Variants in PTPRM observed in about 807,000 individuals in gnomAD.
PTPRM encodes receptor-type tyrosine-protein phosphatase mu.
A neutral mutation model predicts 186.7 loss-of-function variants in PTPRM; 47 were observed. That is an observed-to-expected ratio of 0.25 (90% CI 0.20 to 0.32). PTPRM has a LOEUF of 0.32. Ranked by LOEUF, PTPRM falls within the 10% of genes least tolerant of loss-of-function variation. The pLI is 1.00. For missense variants in PTPRM, 1,494 were observed against 1,865.0 expected (o/e 0.80, Z 3.66); for synonymous variants, 668 against 674.9 (o/e 0.99, Z 0.16).
intron 7 of PTPRM, among the ~76,000 whole-genome samples, chr18:8,050,516 C>T (rs1489976218): frequency 1.3e-5 from 2 of 151,568 alleles, no homozygotes; most frequent in Non-Finnish European, 2.9e-5. Context: ...TCCATACACT[C>T]ATACACTCCT....
At chr18:8,362,700 C>G (rs1397252368) in intron 23 of PTPRM, among the ~76,000 whole-genome samples, 1 of 152,196 alleles carries the variant, frequency 6.6e-6, no homozygotes, top group Non-Finnish European at 1.5e-5. Context: ...GCATACCTTT[C>G]TTTGGAATTA....
rs184157205 is a variant in PTPRM, at chr18:7,998,110, A to G, written c.1132+42696A>G. Reference sequence around the variant, plus strand: ...CATATTTATTGCAGTTCTATTTACAATAGTGAAGATACGGAGTCAACCCAG... The same window carrying G: ...CATATTTATTGCAGTTCTATTTACAGTAGTGAAGATACGGAGTCAACCCAG... On this transcript the variant is annotated intron_variant, in intron 7 of 32. Coordinates refer to ENST00000580170, the MANE Select transcript of PTPRM (RefSeq NM_001105244.2). Among the ~76,000 whole-genome samples the G allele has an allele frequency of 7.5e-4, 115 of 152,350 alleles. No homozygotes were observed. The South Asian group carries it at 0.016, about 21-fold the overall frequency.
chr18:8,260,835 C>T lies in PTPRM; in HGVS notation c.2754+7421C>T, dbSNP rs572226180. On this transcript the variant is annotated intron_variant, in intron 19 of 32. Transcript: ENST00000580170. ...TTGAGACCAGCCCAGCAGCAGGGCG[C>T]GGGAGGAAGGCGCCCCGGGCATCTG... Among the ~76,000 whole-genome samples, 889 of 152,302 alleles carry T rather than the reference C, an allele frequency of 5.8e-3. 10 individuals carry two copies. Among genetic ancestry groups the T allele is most frequent in the African/African-American group, 0.02 (836 of 41,566 alleles).
At chr18:7,612,850 T>C (rs146996334) in intron 1 of PTPRM, among the ~76,000 whole-genome samples, 21 of 152,184 alleles carry the variant, frequency 1.4e-4, no homozygotes, top group African/African-American at 4.3e-4. Flanking sequence ...ATGTAACTAA[T>C]TGGGCTTACA....
intron 2 of PTPRM, among the ~76,000 whole-genome samples, chr18:7,851,525 TA>T (rs1280108526): frequency 1.3e-5 from 2 of 152,052 alleles, no homozygotes; most frequent in African/African-American, 4.8e-5. Context: ...TAATGGAAGC[TA>T]CAAGACAGTG....
intron 22 of PTPRM, among the ~76,000 whole-genome samples, chr18:8,319,987 A>G (rs372086927): frequency 6.6e-5 from 10 of 152,210 alleles, no homozygotes; most frequent in African/African-American, 2.4e-4. Context: ...GTCATGAGGG[A>G]GCGAGGTTTT....
intron 2 of PTPRM, among the ~76,000 whole-genome samples, chr18:7,819,449 A>G (rs779495167): frequency 1.3e-5 from 2 of 152,240 alleles, no homozygotes; most frequent in South Asian, 4.1e-4. Context: ...GTCATCAACC[A>G]GTGGAATGAC....
chr18:8,217,440 A>G (rs2094103213), intron 14 of PTPRM, among the ~76,000 whole-genome samples: 1 of 152,206 alleles, frequency 6.6e-6, no homozygotes, highest in Non-Finnish European at 1.5e-5. Context: ...TTCTAAAGAC[A>G]TCAAATTCCT....
intron 7 of PTPRM, among the ~76,000 whole-genome samples, chr18:8,053,010 T>G (rs1325765966): frequency 6.6e-6 from 1 of 152,200 alleles, no homozygotes; most frequent in Non-Finnish European, 1.5e-5. Flanking sequence ...CCAACTTTTC[T>G]TTTGAGTTGT....
chr18:8,385,914 G>C (rs1016437885), intron 30 of PTPRM, among the ~76,000 whole-genome samples: 5 of 152,118 alleles, frequency 3.3e-5, no homozygotes, highest in African/African-American at 1.2e-4. Context: ...ACGGGAGAGA[G>C]CAGGAGTGGA....
chr18:8,149,722 C>G (rs73389732), intron 14 of PTPRM, among the ~76,000 whole-genome samples: 13,152 of 152,046 alleles, frequency 0.087, 1,565 homozygotes, highest in African/African-American at 0.27. Context: ...CCCGTTAGTT[C>G]ATATAATTTC....
chr18:7,864,191 T>C (rs2047547244), intron 2 of PTPRM, among the ~76,000 whole-genome samples: 1 of 152,256 alleles, frequency 6.6e-6, no homozygotes, highest in Non-Finnish European at 1.5e-5. Flanking sequence ...GCAGAAGCTC[T>C]TTAGTTTAAT....
intron 2 of PTPRM, among the ~76,000 whole-genome samples, chr18:7,834,491 TACACACACACAC>T (rs36162599): frequency 1.2e-5 from 1 of 84,606 alleles, no homozygotes; most frequent in African/African-American, 4.8e-5. Context: ...TATACAAGTA[TACACACACACAC>T]ACACACACAC....
chr18:7,776,320 T>A (rs1294941986), intron 2 of PTPRM, among the ~76,000 whole-genome samples: 1 of 152,126 alleles, frequency 6.6e-6, no homozygotes, highest in South Asian at 2.1e-4. Context: ...TTGCAACTCA[T>A]TGTTTGGACC....
intron 1 of PTPRM, among the ~76,000 whole-genome samples, chr18:7,582,496 A>G (rs574931376): frequency 5.8e-4 from 89 of 152,182 alleles, no homozygotes; most frequent in Non-Finnish European, 9.4e-4. Context: ...GCCAGCCTAG[A>G]ATCAAGGGTG....
At chr18:7,989,299 G>T (rs1373285958) in intron 7 of PTPRM, among the ~76,000 whole-genome samples, 2 of 152,016 alleles carry the variant, frequency 1.3e-5, no homozygotes, top group African/African-American at 2.4e-5. Flanking sequence ...TATATCAGAG[G>T]CTTGCAGGTT....
intron 19 of PTPRM, among the ~76,000 whole-genome samples, chr18:8,289,541 T>TATAC (rs1197982059): frequency 3.7e-5 from 3 of 81,230 alleles, no homozygotes; most frequent in African/African-American, 1.9e-4. Flanking sequence ...TATACACATA[T>TATAC]ATATATATAC....
intron 32 of PTPRM, chr18:8,399,908 A>G (rs1003596653): frequency 6.6e-6 from 1 of 152,270 alleles, no homozygotes. Flanking sequence ...AGCAGTCCCA[A>G]CCCACCTGGG....
intron 23 of PTPRM, among the ~76,000 whole-genome samples, chr18:8,343,850 C>A (rs944314403): frequency 4.4e-4 from 43 of 98,516 alleles, no homozygotes; most frequent in Non-Finnish European, 9.1e-4. Flanking sequence ...TTAGACATGA[C>A]TACCTTCCCA....
Sources: gnomAD v4.1 joint callset for allele counts (sites outside exome capture counted in the v4.1 genomes callset) on GRCh38, gnomAD v4.1.1 for gene constraint, MANE v1.5 for transcripts, NCBI Gene and HGNC (gene_info 2026-07-23, HGNC 2026-07-21) for gene names.